The following FOCAD variants were observed in gnomAD, a reference collection of about 807,000 sequenced individuals.
FOCAD encodes the protein KIAA1797.
Under a neutral mutation model 225.6 loss-of-function variants are expected in FOCAD, and 198 were observed. The ratio of observed to expected loss-of-function variants is 0.88; its 90% CI spans 0.78 to 0.99. The LOEUF (loss-of-function observed/expected upper bound fraction) is 0.99, where lower values mean the gene tolerates loss of function less well. Among genes scored for constraint, FOCAD ranks in the 50% least tolerant of loss-of-function variants. The pLI is 0.00. For synonymous variants in FOCAD, 897 were observed against 755.0 expected (o/e 1.19, Z -3.08); for missense variants, 2,713 against 2,123.6 (o/e 1.28, Z -5.46).
intron 28 of FOCAD, among the ~76,000 whole-genome samples, chr9:20,937,149 C>A (rs1298819540): frequency 3.7e-4 from 55 of 150,238 alleles, no homozygotes; most frequent in Non-Finnish European, 6.7e-4. Flanking sequence ...AATGGCCATA[C>A]TGCCCAAGGT....
intron 18 of FOCAD, among the ~76,000 whole-genome samples, chr9:20,873,643 C>G (rs897182837): frequency 2.0e-5 from 3 of 151,968 alleles, no homozygotes; most frequent in Admixed American, 6.6e-5. Context: ...GAAGAGAACA[C>G]TAGTTATGGT....
At chr9:20,659,466 G>T (rs1276395083) in intron 2 of FOCAD, among the ~76,000 whole-genome samples, 1 of 150,216 alleles carries the variant, frequency 6.7e-6, no homozygotes, top group Non-Finnish European at 1.5e-5. Flanking sequence ...AAGAAAAAGA[G>T]GTGATTAAGA....
At position 20,717,858 on chromosome 9, in the gene FOCAD, C is replaced by A. The variant is rs772489765; in HGVS notation, c.122C>A (p.Ser41Tyr). Residue 41 changes from serine to tyrosine, a missense_variant, in exon 3 of 44, where the codon TCT becomes TAT. Transcript: ENST00000338382. ...GGTTTTTCAGAAAAGATTCACCAAT[C>A]TACAAATCAGGTCTGTGTTTAACTT... ...ENGFSEKIHQSTNQTPALNLL... is the reference protein window; with the variant it reads ...ENGFSEKIHQYTNQTPALNLL... The A allele has an allele frequency of 2.5e-6, 4 of 1,611,952 alleles. No individual in the cohort carries two copies. The South Asian group carries it at 4.4e-5, about 18-fold the overall frequency.
chr9:20,761,164 C>T (rs1207423013), intron 6 of FOCAD, among the ~76,000 whole-genome samples: 1 of 152,006 alleles, frequency 6.6e-6, no homozygotes, highest in Non-Finnish European at 1.5e-5. Flanking sequence ...CACCTCTGCA[C>T]ACAGTATTTG....
At chr9:20,839,259 C>CTTT (rs71496859) in intron 15 of FOCAD, among the ~76,000 whole-genome samples, 9 of 132,760 alleles carry the variant, frequency 6.8e-5, no homozygotes, top group African/African-American at 8.4e-5. Context: ...TTCTTTCTTT[C>CTTT]TTTTTTTTTT....
intron 40 of FOCAD, among the ~76,000 whole-genome samples, chr9:20,987,508 GAA>G (rs746481489): frequency 2.3e-5 from 3 of 130,906 alleles, no homozygotes; most frequent in South Asian, 2.4e-4. Context: ...ACTGCATCTT[GAA>G]AAAAAAAAAA....
At chr9:20,901,572 A>T (rs1832569589) in intron 21 of FOCAD, among the ~76,000 whole-genome samples, 1 of 151,902 alleles carries the variant, frequency 6.6e-6, no homozygotes, top group African/African-American at 2.4e-5. Flanking sequence ...GCAATAACAA[A>T]TTTTTGAACA....
intron 11 of FOCAD, among the ~76,000 whole-genome samples, chr9:20,801,267 G>T (rs1168346574): frequency 3.3e-5 from 5 of 152,154 alleles, no homozygotes; most frequent in African/African-American, 9.6e-5. Context: ...TAAAGAGGGG[G>T]TTTTATAATG....
At chr9:20,893,903 G>C (rs1282560517) in intron 21 of FOCAD, among the ~76,000 whole-genome samples, 1 of 151,928 alleles carries the variant, frequency 6.6e-6, no homozygotes, top group East Asian at 1.9e-4. Context: ...TTTATATTAG[G>C]GTTTATTCTT....
chr9:20,665,325 A>G (rs994489604), intron 2 of FOCAD, among the ~76,000 whole-genome samples: 3 of 152,198 alleles, frequency 2.0e-5, no homozygotes, highest in Non-Finnish European at 4.4e-5. Flanking sequence ...TCTGGGAGGC[A>G]GTGACTCCCA....
intron 23 of FOCAD, among the ~76,000 whole-genome samples, chr9:20,915,090 G>C (rs762790856): frequency 6.6e-6 from 1 of 152,180 alleles, no homozygotes. Context: ...GCGTAGAATA[G>C]GAATCAGATT....
In FOCAD at chr9:20,908,795, A is replaced by G. The variant is rs144489794; in HGVS notation, c.2718+1553A>G. 2.2e-3 allele frequency among the ~76,000 whole-genome samples: 342 copies of G among 152,206 alleles called. 10 individuals carry two copies. The East Asian group carries it at 0.044, about 20-fold the overall frequency. On this transcript the variant is annotated intron_variant, in intron 22 of 43. Coordinates refer to ENST00000338382, the MANE Select transcript of FOCAD (RefSeq NM_001375567.1). ...AGTCAGAGTATGTACTTTTTCTCAC[A>G]TTCATTTTTCCCTAAGCAATGTTGA...
chr9:20,758,324 C>G (rs1829249572), intron 6 of FOCAD, 133 bp downstream of exon 6: 3 of 515,926 alleles, frequency 5.8e-6, no homozygotes, highest in Middle Eastern at 7.7e-4. Flanking sequence ...TCCTGAAGAA[C>G]CATCCTAGAG....
intron 28 of FOCAD, among the ~76,000 whole-genome samples, chr9:20,943,477 C>T (rs566487712): frequency 3.3e-5 from 5 of 152,208 alleles, no homozygotes; most frequent in African/African-American, 1.2e-4. Flanking sequence ...TTGTATTGGC[C>T]GTGCTCTGCT....
intron 22 of FOCAD, 63 bp from the exon 23 acceptor site, chr9:20,912,803 A>G (rs553507426): frequency 1.5e-6 from 2 of 1,378,842 alleles, no homozygotes; most frequent in African/African-American, 2.8e-5. Context: ...TGTTTTCCAA[A>G]GAAATTTTAA....
At chr9:20,759,372 C>G (rs1468541927) in intron 6 of FOCAD, among the ~76,000 whole-genome samples, 1 of 152,124 alleles carries the variant, frequency 6.6e-6, no homozygotes, top group Non-Finnish European at 1.5e-5. Flanking sequence ...AGATATAGAT[C>G]AATGGAACAG....
chr9:20,837,425 C>T (rs1035134484), intron 15 of FOCAD, among the ~76,000 whole-genome samples: 1 of 151,982 alleles, frequency 6.6e-6, no homozygotes, highest in African/African-American at 2.4e-5. Context: ...AAATTGTGCT[C>T]ATCTGAATAA....
intron 11 of FOCAD, among the ~76,000 whole-genome samples, chr9:20,805,291 T>C (rs1822302567): frequency 6.6e-6 from 1 of 152,214 alleles, no homozygotes; most frequent in Non-Finnish European, 1.5e-5. Context: ...AGTGAATGAA[T>C]AACTATTGAT....
intron 11 of FOCAD, among the ~76,000 whole-genome samples, chr9:20,815,165 C>T (rs1452854759): frequency 3.4e-5 from 2 of 59,504 alleles, no homozygotes; most frequent in African/African-American, 5.9e-5. Context: ...GAGACAGTCT[C>T]GCTTTGTCTC....
Sources: gnomAD v4.1 joint callset for allele counts (sites outside exome capture counted in the v4.1 genomes callset) on GRCh38, gnomAD v4.1.1 for gene constraint, MANE v1.5 for transcripts, NCBI Gene and HGNC (gene_info 2026-07-23, HGNC 2026-07-21) for gene names.